C8A: variants seen among roughly 807,000 people sequenced by gnomAD.
The protein encoded by C8A is complement C8 alpha chain.
A neutral mutation model predicts 65.3 loss-of-function variants in C8A; 67 were observed. That is an observed-to-expected ratio of 1.03 (90% CI 0.84 to 1.26). The LOEUF (loss-of-function observed/expected upper bound fraction) is 1.26. Among genes scored for constraint, C8A ranks in the 50% most tolerant of loss-of-function variants. The pLI is 0.00. For missense variants in C8A, 781 were observed against 723.9 expected (o/e 1.08, Z -0.90); for synonymous variants, 290 against 259.4 (o/e 1.12, Z -1.13).
Position 56,917,618 on chromosome 1 carries a change from G to A in C8A, c.1657G>A (p.Ala553Thr), listed in dbSNP as rs375719279. Residue 553 changes from alanine (A) to threonine (T), a missense_variant, in exon 11 of 11, where the codon GCA becomes ACA. By Grantham distance (58) the Ala-to-Thr change is moderately conservative (BLOSUM62 0). Transcript: ENST00000361249. ...SCWSSWSVCRAGIQERRRECD... is the reference protein window; with the variant it reads ...SCWSSWSVCRTGIQERRRECD... ...CTGGAGCTCCTGGTCTGTATGCAGA[G>A]CAGGCATCCAGGAAAGGAGAAGAGA... 7.5e-5 allele frequency: 121 copies of A among 1,613,864 alleles called. No homozygotes were observed. Among genetic ancestry groups the A allele is most frequent in the Non-Finnish European group, 9.6e-5 (113 of 1,179,842 alleles).
intron 1 of C8A, among the ~76,000 whole-genome samples, chr1:56,862,063 A>G (rs2101189392): frequency 6.6e-6 from 1 of 152,282 alleles, no homozygotes; most frequent in Middle Eastern, 3.4e-3. Context: ...CCACAGCCCT[A>G]TCCGAGTACA....
intron 5 of C8A, 57 bp from the exon 6 acceptor site, chr1:56,883,424 T>A: frequency 1.4e-6 from 2 of 1,422,286 alleles, no homozygotes; most frequent in Non-Finnish European, 2.0e-6. Flanking sequence ...GTATTAAATA[T>A]GAATTGAGAA....
intron 1 of C8A, 54 bp from the exon 2 acceptor site, chr1:56,867,555 A>G: frequency 1.5e-6 from 2 of 1,298,164 alleles, no homozygotes; most frequent in Non-Finnish European, 2.2e-6. Context: ...CAGCTTTCTC[A>G]TTTGCTTAAA....
intron 1 of C8A, among the ~76,000 whole-genome samples, chr1:56,862,897 G>A (rs1644048023): frequency 6.6e-6 from 1 of 152,120 alleles, no homozygotes. Context: ...GGCAATATGT[G>A]CCATAAGCTC....
chr1:56,859,238 C>T (rs1644006841), intron 1 of C8A, among the ~76,000 whole-genome samples: 1 of 152,126 alleles, frequency 6.6e-6, no homozygotes, highest in Non-Finnish European at 1.5e-5. Context: ...TACTTCCTAC[C>T]ACCACAGGGT....
At position 56,875,048 on chromosome 1, in the gene C8A, G is replaced by A. The variant is rs750578729; in HGVS notation, c.271G>A (p.Val91Ile). 5.0e-6 allele frequency: 8 copies of A among 1,613,632 alleles called. No homozygotes were observed. The highest frequency in any genetic ancestry group is 5.9e-6 in the Non-Finnish European group (7 of 1,179,802). The change falls in exon 3 of 11, where the codon GTA (valine) becomes ATA (isoleucine). Residue 91 changes from valine to isoleucine, a missense_variant. Coordinates refer to ENST00000361249, the MANE Select transcript of C8A (RefSeq NM_000562.3). ...CAGCTGCTCCAGTTCTACAACTTGT[G>A]TAAGGCAAGCACAGTGTGGACAGGA... The part of the protein sequence containing the change: ...QASCSSSTTC[V>I]RQAQCGQDFQ...
chr1:56,898,393 C>G lies in C8A; in HGVS notation c.1097-8274C>G, dbSNP rs573539044. Among the ~76,000 whole-genome samples, 3 of 152,234 alleles carry G rather than the reference C, an allele frequency of 2.0e-5. No homozygotes were observed. The South Asian group carries it at 6.2e-4, about 32-fold the overall frequency. ...CATTTCAGTGAGCATGCACAGACCT[C>G]CAGCTCATTGTTCACCATTGGGGTG... On this transcript the variant is annotated intron_variant, in intron 7 of 10. Coordinates refer to ENST00000361249, the MANE Select transcript of C8A (RefSeq NM_000562.3).
chr1:56,912,719 G>A (rs1159560270), intron 10 of C8A, 94 bp downstream of exon 10: 2 of 1,135,284 alleles, frequency 1.8e-6, no homozygotes, highest in Non-Finnish European at 2.6e-6. Context: ...CCCTCCTTTT[G>A]GAGCTCTCCT....
intron 2 of C8A, among the ~76,000 whole-genome samples, chr1:56,871,831 A>G (rs1041485861): frequency 6.6e-5 from 10 of 152,306 alleles, no homozygotes; most frequent in South Asian, 2.1e-4. Flanking sequence ...TGCTAATTCA[A>G]AGAAGGAGTA....
At chr1:56,878,764 C>T (rs1018586030) in intron 4 of C8A, among the ~76,000 whole-genome samples, 1 of 152,180 alleles carries the variant, frequency 6.6e-6, no homozygotes, top group Admixed American at 6.6e-5. Flanking sequence ...TCCCTTCCCT[C>T]CCTAGAGCTG....
In C8A at chr1:56,912,601, G is replaced by T. The variant is rs1413000006; in HGVS notation, c.1579G>T (p.Ala527Ser). The T allele has an allele frequency of 1.2e-6, 2 of 1,614,052 alleles. No individual in the cohort carries two copies. Among genetic ancestry groups the T allele is most frequent in the Non-Finnish European group, 1.7e-6 (2 of 1,180,012 alleles). ...GTGCCGCCTGGGTAGCTTGGGTGCTGCCTGTGAGCAAACACAGACAGAAGG... is the reference window on the plus strand; with the variant it reads ...GTGCCGCCTGGGTAGCTTGGGTGCTTCCTGTGAGCAAACACAGACAGAAGG... Reference protein sequence around the residue: ...CQCRLGSLGAACEQTQTEGAK... With the variant: ...CQCRLGSLGASCEQTQTEGAK... Residue 527 changes from alanine to serine, a missense_variant, in exon 10 of 11, where the codon GCC becomes TCC. Physicochemically the swap from Ala to Ser is moderately conservative, Grantham distance 99. Transcript: ENST00000361249.
intron 4 of C8A, among the ~76,000 whole-genome samples, chr1:56,877,177 A>G (rs1644206468): frequency 6.6e-6 from 1 of 152,226 alleles, no homozygotes; most frequent in Non-Finnish European, 1.5e-5. Context: ...AACAACCTTG[A>G]TAACACCTTG....
At chr1:56,893,163 GT>G (rs906479712) in intron 7 of C8A, among the ~76,000 whole-genome samples, 1 of 151,982 alleles carries the variant, frequency 6.6e-6, no homozygotes, top group African/African-American at 2.4e-5. Flanking sequence ...CTGAGTCTCA[GT>G]TTTTCCATGA....
At chr1:56,907,637 C>T (rs915986096) in intron 8 of C8A, among the ~76,000 whole-genome samples, 2 of 152,176 alleles carry the variant, frequency 1.3e-5, no homozygotes, top group Admixed American at 6.6e-5. Flanking sequence ...ATATAGCAGG[C>T]ACTGAGTAAA....
At position 56,855,440 on chromosome 1, in the gene C8A, T is replaced by TG. The variant is rs559425893; in HGVS notation, c.77+467dup. On this transcript the variant is annotated intron_variant, in intron 1 of 10. Transcript: ENST00000361249. The stretch of plus-strand genomic sequence containing the variant: ...TCATAAGAGTGCTGTCTCATAGTTT[T>TG]GGGGGAGGATAAAATTAGATAATGT... Among the ~76,000 whole-genome samples, 27 of 152,240 alleles carry TG rather than the reference T, an allele frequency of 1.8e-4. No individual in the cohort carries two copies. The South Asian group carries it at 5.2e-3, about 29-fold the overall frequency.
chr1:56,855,007 T>C (rs1257012104), intron 1 of C8A, 29 bp downstream of exon 1: 1 of 1,557,766 alleles, frequency 6.4e-7, no homozygotes, highest in African/African-American at 1.4e-5. Flanking sequence ...TCTGCAAAAC[T>C]TGCACGTAGG....
In C8A at chr1:56,876,114, T is replaced by A. The variant is rs376825198; in HGVS notation, c.369T>A (p.Asp123Glu). The A allele has an allele frequency of 6.7e-5, 108 of 1,613,752 alleles. No individual in the cohort carries two copies. The highest frequency in any genetic ancestry group is 8.5e-5 in the Non-Finnish European group (100 of 1,179,886). The change falls in exon 4 of 11, where the codon GAT (aspartate) becomes GAA (glutamate). Residue 123 changes from aspartate to glutamate, a missense_variant. Asp to Glu is a conservative substitution (Grantham distance 45). Coordinates refer to ENST00000361249, the MANE Select transcript of C8A (RefSeq NM_000562.3). Reference sequence around the variant, plus strand: ...GTAATGGAGACCAGGACTGCCTTGATGGCTCTGATGAGGACGACTGTGAAG... The same window carrying A: ...GTAATGGAGACCAGGACTGCCTTGAAGGCTCTGATGAGGACGACTGTGAAG... Reference protein sequence around the residue: ...LVCNGDQDCLDGSDEDDCEDV... With the variant: ...LVCNGDQDCLEGSDEDDCEDV...
chr1:56,901,798 CCTT>C (rs929328488), intron 7 of C8A, among the ~76,000 whole-genome samples: 1 of 152,060 alleles, frequency 6.6e-6, no homozygotes, highest in Non-Finnish European at 1.5e-5. Flanking sequence ...GTCTCTGGCT[CCTT>C]CTTCTGACCC....
chr1:56,871,258 C>T (rs1309555130), intron 2 of C8A, among the ~76,000 whole-genome samples: 1 of 152,204 alleles, frequency 6.6e-6, no homozygotes, highest in African/African-American at 2.4e-5. Flanking sequence ...TTAGGTCACC[C>T]ATTAAGAACA....
Sources: gnomAD v4.1 joint callset for allele counts (sites outside exome capture counted in the v4.1 genomes callset) on GRCh38, gnomAD v4.1.1 for gene constraint, MANE v1.5 for transcripts, NCBI Gene and HGNC (gene_info 2026-07-23, HGNC 2026-07-21) for gene names.